SLC4A10: variants seen among roughly 807,000 people sequenced by gnomAD.
SLC4A10 encodes solute carrier family 4 member 10.
SLC4A10 carries 42 observed loss-of-function variants against 137.7 expected under a neutral mutation model. The ratio of observed to expected loss-of-function variants is 0.30; its 90% confidence interval spans 0.24 to 0.39. The LOEUF is 0.39. Ranked by LOEUF, SLC4A10 falls within the 10% of genes least tolerant of loss-of-function variation. The pLI, the probability that SLC4A10 is intolerant of heterozygous loss-of-function variation, is 1.00. For missense variants in SLC4A10, 925 were observed against 1,355.0 expected (o/e 0.68, Z 4.98); for synonymous variants, 474 against 464.1 (o/e 1.02, Z -0.27).
intron 11 of SLC4A10, 38 bp downstream of exon 11, chr2:161,894,863 T>C (rs1291012746): frequency 1.6e-6 from 2 of 1,272,298 alleles, no homozygotes; most frequent in Non-Finnish European, 2.0e-6. Context: ...AATTGAATTT[T>C]TTTTTGTCTT....
intron 3 of SLC4A10, among the ~76,000 whole-genome samples, chr2:161,831,059 G>A (rs1417537801): frequency 6.6e-6 from 1 of 152,126 alleles, no homozygotes; most frequent in East Asian, 1.9e-4. Flanking sequence ...AGGTAGGGAA[G>A]AGCATGATAT....
At chr2:161,887,406 CGTT>C (rs1422670876) in intron 10 of SLC4A10, among the ~76,000 whole-genome samples, 2 of 151,936 alleles carry the variant, frequency 1.3e-5, no homozygotes, top group Admixed American at 6.6e-5. Context: ...CTTTCACAAT[CGTT>C]GAACTAATTT....
At chr2:161,773,316 G>T (rs554792169) in intron 2 of SLC4A10, among the ~76,000 whole-genome samples, 1 of 151,808 alleles carries the variant, frequency 6.6e-6, no homozygotes, top group South Asian at 2.1e-4. Context: ...TTCCCATTGG[G>T]CCCCACCTCA....
At chr2:161,628,659 A>G (rs2032929096) in intron 1 of SLC4A10, among the ~76,000 whole-genome samples, 1 of 152,044 alleles carries the variant, frequency 6.6e-6, no homozygotes, top group Non-Finnish European at 1.5e-5. Context: ...CATACTCACT[A>G]CACCTTGTAG....
intron 2 of SLC4A10, among the ~76,000 whole-genome samples, chr2:161,772,530 A>G (rs1346865579): frequency 1.3e-5 from 2 of 151,918 alleles, no homozygotes; most frequent in African/African-American, 4.8e-5. Flanking sequence ...TGTTTGGCAT[A>G]GTTAAGAAAT....
At chr2:161,635,402 T>C (rs1393216243) in intron 1 of SLC4A10, among the ~76,000 whole-genome samples, 2 of 152,142 alleles carry the variant, frequency 1.3e-5, no homozygotes, top group Non-Finnish European at 2.9e-5. Context: ...GCAGATGTTG[T>C]CATTCCTTGG....
intron 1 of SLC4A10, among the ~76,000 whole-genome samples, chr2:161,768,873 T>C (rs1242161402): frequency 1.3e-5 from 2 of 151,976 alleles, no homozygotes; most frequent in Non-Finnish European, 2.9e-5. Flanking sequence ...AGCAGTTCCC[T>C]TGTAATACCT....
At chr2:161,940,006 C>G (rs1033764184) in intron 15 of SLC4A10, among the ~76,000 whole-genome samples, 2 of 152,114 alleles carry the variant, frequency 1.3e-5, no homozygotes, top group Admixed American at 1.3e-4. Context: ...TCTGCAGACC[C>G]TCTCCCCAGT....
intron 15 of SLC4A10, among the ~76,000 whole-genome samples, chr2:161,910,371 A>T (rs1685540847): frequency 6.6e-6 from 1 of 152,150 alleles, no homozygotes; most frequent in South Asian, 2.1e-4. Context: ...CATACATTGC[A>T]CCAGACGATC....
intron 3 of SLC4A10, among the ~76,000 whole-genome samples, chr2:161,814,096 C>A (rs1017692414): frequency 9.9e-5 from 15 of 151,834 alleles, no homozygotes; most frequent in African/African-American, 3.4e-4. Context: ...CAAAAATCAA[C>A]GTGATTAAAA....
chr2:161,875,911 CT>C (rs1333434472), intron 8 of SLC4A10, among the ~76,000 whole-genome samples: 1 of 152,162 alleles, frequency 6.6e-6, no homozygotes. Flanking sequence ...TATGAAGTTT[CT>C]TGTACTTTCT....
intron 3 of SLC4A10, among the ~76,000 whole-genome samples, chr2:161,827,397 A>G (rs186941732): frequency 2.0e-5 from 3 of 152,258 alleles, no homozygotes; most frequent in Admixed American, 2.0e-4. Flanking sequence ...TCTTTGGAGC[A>G]CCCAACCTAC....
chr2:161,662,770 A>G (rs748169601), intron 1 of SLC4A10, among the ~76,000 whole-genome samples: 1 of 152,204 alleles, frequency 6.6e-6, no homozygotes, highest in Non-Finnish European at 1.5e-5. Context: ...TTACCCAGGA[A>G]CTAAAGTCAG....
chr2:161,632,740 A>C (rs2105419008), intron 1 of SLC4A10, among the ~76,000 whole-genome samples: 1 of 151,722 alleles, frequency 6.6e-6, no homozygotes, highest in South Asian at 2.1e-4. Context: ...ATTAAAGGGT[A>C]GCACTAAGGA....
At chr2:161,877,577 C>T (rs2061515210) in intron 8 of SLC4A10, among the ~76,000 whole-genome samples, 1 of 151,860 alleles carries the variant, frequency 6.6e-6, no homozygotes, top group Admixed American at 6.6e-5. Context: ...TACAAAAATA[C>T]CACAATAAAT....
intron 24 of SLC4A10, among the ~76,000 whole-genome samples, 171 bp from the exon 25 acceptor site, chr2:161,976,589 A>T (rs1265587212): frequency 6.6e-6 from 1 of 152,248 alleles, no homozygotes. Flanking sequence ...CTGTACTTTT[A>T]AAAATAGTTA....
intron 1 of SLC4A10, among the ~76,000 whole-genome samples, chr2:161,764,884 A>C (rs2050630279): frequency 6.6e-6 from 1 of 152,152 alleles, no homozygotes; most frequent in South Asian, 2.1e-4. Flanking sequence ...ACTTAGCACA[A>C]CTGACACTTC....
At chr2:161,716,078 T>C (rs1414533725) in intron 1 of SLC4A10, among the ~76,000 whole-genome samples, 1 of 152,190 alleles carries the variant, frequency 6.6e-6, no homozygotes, top group Non-Finnish European at 1.5e-5. Context: ...ATTTCTCTAA[T>C]AATCAGCAAT....
chr2:161,797,701 T>C (rs943090160), intron 2 of SLC4A10, among the ~76,000 whole-genome samples: 1 of 152,070 alleles, frequency 6.6e-6, no homozygotes, highest in Non-Finnish European at 1.5e-5. Context: ...ATTAAATGCT[T>C]ATTATGTTTC....
Sources: allele counts gnomAD v4.1 joint callset (sites outside exome capture counted in the v4.1 genomes callset), GRCh38; gene constraint gnomAD v4.1.1; transcripts MANE v1.5; gene names NCBI Gene and HGNC (gene_info 2026-07-23, HGNC 2026-07-21).